NSUN6: variants seen among roughly 807,000 people sequenced by gnomAD.
NSUN6 encodes NOP2/Sun RNA methyltransferase 6, also known as tRNA (cytosine(72)-C(5))-methyltransferase NSUN6.
NSUN6 carries 64 observed loss-of-function variants against 58.0 expected under a neutral mutation model. The observed-to-expected ratio is 1.10, with a 90% confidence interval of 0.90 to 1.36. The LOEUF (loss-of-function observed/expected upper bound fraction) is 1.36, where lower values mean the gene tolerates loss of function less well. NSUN6 is among the 40% of genes most tolerant of loss of function. The pLI is 0.00. For synonymous variants in NSUN6, 231 were observed against 193.9 expected (o/e 1.19, Z -1.59); for missense variants, 701 against 550.1 (o/e 1.27, Z -2.74).
At chr10:18,566,116 C>T (rs2055913315) in intron 8 of NSUN6, among the ~76,000 whole-genome samples, 1 of 143,622 alleles carries the variant, frequency 7.0e-6, no homozygotes, top group Non-Finnish European at 1.6e-5. Context: ...CCATTCCATT[C>T]CACATTTCAT....
At chr10:18,593,575 G>T (rs529214528) in intron 7 of NSUN6, among the ~76,000 whole-genome samples, 1 of 152,192 alleles carries the variant, frequency 6.6e-6, no homozygotes, top group Admixed American at 6.5e-5. Flanking sequence ...GATGAAGCTG[G>T]AAGTTATCAT....
At chr10:18,618,810 C>CTCATCAGT (rs2058503553) in intron 3 of NSUN6, among the ~76,000 whole-genome samples, 1 of 149,610 alleles carries the variant, frequency 6.7e-6, no homozygotes, top group Non-Finnish European at 1.5e-5. Flanking sequence ...CAAAAACTTT[C>CTCATCAGT]TCATCAGTTG....
chr10:18,627,090 GT>G, intron 3 of NSUN6, among the ~76,000 whole-genome samples: 1 of 152,272 alleles, frequency 6.6e-6, no homozygotes, highest in South Asian at 2.1e-4. Context: ...CTGGCATTCA[GT>G]TTTCTCCTGA....
intron 3 of NSUN6, among the ~76,000 whole-genome samples, chr10:18,625,591 T>A (rs1343578325): frequency 6.6e-6 from 1 of 151,740 alleles, no homozygotes; most frequent in African/African-American, 2.4e-5. Flanking sequence ...TGGGCACCTG[T>A]AATCCCAGCT....
At chr10:18,597,038 C>T (rs2057616430) in intron 6 of NSUN6, among the ~76,000 whole-genome samples, 1 of 151,998 alleles carries the variant, frequency 6.6e-6, no homozygotes. Context: ...AGGAAATGAA[C>T]TAAAATGCAA....
At chr10:18,626,422 A>C (rs984680514) in intron 3 of NSUN6, among the ~76,000 whole-genome samples, 1 of 152,156 alleles carries the variant, frequency 6.6e-6, no homozygotes, top group Non-Finnish European at 1.5e-5. Context: ...GTAAAATTTT[A>C]GGGAAAATTT....
intron 5 of NSUN6, among the ~76,000 whole-genome samples, 197 bp downstream of exon 5, chr10:18,614,263 T>C (rs2058334040): frequency 6.6e-6 from 1 of 152,096 alleles, no homozygotes; most frequent in Non-Finnish European, 1.5e-5. Context: ...GGTTGCTTAA[T>C]GAGGCTCTTT....
intron 3 of NSUN6, among the ~76,000 whole-genome samples, chr10:18,641,256 T>C: frequency 6.6e-6 from 1 of 152,128 alleles, no homozygotes; most frequent in East Asian, 1.9e-4. Flanking sequence ...ATTTCTATAT[T>C]TATTATAATT....
intron 8 of NSUN6, among the ~76,000 whole-genome samples, chr10:18,556,693 G>T (rs951313902): frequency 2.6e-5 from 4 of 151,460 alleles, no homozygotes; most frequent in Non-Finnish European, 5.9e-5. Context: ...AATGCGAATG[G>T]AATGGAAAGG....
chr10:18,572,720 T>C (rs2056439463), intron 8 of NSUN6, among the ~76,000 whole-genome samples: 1 of 150,818 alleles, frequency 6.6e-6, no homozygotes, highest in Admixed American at 6.6e-5. Flanking sequence ...CCCTTCTCCA[T>C]TCCATTCCAC....
At chr10:18,549,377 C>T (rs937612137) in intron 9 of NSUN6, among the ~76,000 whole-genome samples, 1 of 152,198 alleles carries the variant, frequency 6.6e-6, no homozygotes, top group Non-Finnish European at 1.5e-5. Context: ...TAATTCCCTG[C>T]ACTGCTTACT....
chr10:18,607,472 T>C (rs2058085768), intron 6 of NSUN6, among the ~76,000 whole-genome samples: 1 of 152,206 alleles, frequency 6.6e-6, no homozygotes, highest in Non-Finnish European at 1.5e-5. Flanking sequence ...AAGACCCAGT[T>C]AAGAATCTGG....
chr10:18,590,955 G>T (rs1000514101), intron 7 of NSUN6, among the ~76,000 whole-genome samples: 7 of 152,048 alleles, frequency 4.6e-5, no homozygotes, highest in African/African-American at 1.7e-4. Context: ...TTGAGGAGCT[G>T]GTTTTTTGAA....
intron 6 of NSUN6, among the ~76,000 whole-genome samples, chr10:18,608,638 C>CA (rs5783614): frequency 0.3 from 32,142 of 107,458 alleles, 4,759 homozygotes; most frequent in Non-Finnish European, 0.38. Context: ...GATCCTGTCT[C>CA]AAAAAAAAAA....
At chr10:18,647,846 G>A (rs575642202) in intron 2 of NSUN6, among the ~76,000 whole-genome samples, 5 of 146,626 alleles carry the variant, frequency 3.4e-5, no homozygotes, top group African/African-American at 5.1e-5. Context: ...GGGATTACTC[G>A]TGCCTCAGCC....
intron 8 of NSUN6, among the ~76,000 whole-genome samples, chr10:18,582,112 C>T (rs746717433): frequency 3.3e-5 from 5 of 152,140 alleles, no homozygotes; most frequent in South Asian, 4.1e-4. Context: ...ACCTTGCCTT[C>T]GTGTGCATGT....
chr10:18,621,217 G>A (rs1033967748), intron 3 of NSUN6, among the ~76,000 whole-genome samples: 1 of 152,230 alleles, frequency 6.6e-6, no homozygotes, highest in Non-Finnish European at 1.5e-5. Flanking sequence ...AATCCTGGCA[G>A]TGAGTCTCAT....
chr10:18,627,525 A>G (rs963869051), intron 3 of NSUN6, among the ~76,000 whole-genome samples: 1 of 152,214 alleles, frequency 6.6e-6, no homozygotes, highest in African/African-American at 2.4e-5. Flanking sequence ...AGGGAGTGCC[A>G]GACAGTGGGC....
intron 8 of NSUN6, among the ~76,000 whole-genome samples, chr10:18,572,530 ATTCCATTCCATT>A (rs61726071): frequency 0.21 from 31,225 of 145,754 alleles, 3,605 homozygotes; most frequent in South Asian, 0.32. Context: ...TCCATTCCCT[ATTCCATTCCATT>A]TTCCATTCCA....
Sources: gnomAD v4.1 joint callset for allele counts (sites outside exome capture counted in the v4.1 genomes callset) on GRCh38, gnomAD v4.1.1 for gene constraint, MANE v1.5 for transcripts, NCBI Gene and HGNC (gene_info 2026-07-23, HGNC 2026-07-21) for gene names.